FGF13: variants seen among roughly 807,000 people sequenced by gnomAD.
FGF13 encodes the protein fibroblast growth factor 13, also known as fibroblast growth factor homologous factor 2.
FGF13 carries 2 observed loss-of-function variants against 19.5 expected under a neutral mutation model. The observed-to-expected ratio is 0.10, with a 90% CI of 0.04 to 0.32. The LOEUF is 0.32. Ranked by LOEUF, FGF13 falls within the 10% of genes least tolerant of loss-of-function variation. The pLI, the probability that FGF13 is intolerant of heterozygous loss-of-function variation, is 1.00. For missense variants in FGF13, 113 were observed against 192.7 expected (o/e 0.59, Z 2.45); for synonymous variants, 72 against 76.9 (o/e 0.94, Z 0.33).
At chrX:138,831,583 T>G (rs937196023) in intron 3 of FGF13, among the ~76,000 whole-genome samples, 2 of 112,104 alleles carry the variant, frequency 1.8e-5, no homozygotes, top group Admixed American at 1.9e-4. Flanking sequence ...TAACCCTTCC[T>G]GCCTATTTCT....
At chrX:138,839,404 A>G (rs1183891575) in intron 3 of FGF13, among the ~76,000 whole-genome samples, 2 of 111,682 alleles carry the variant, frequency 1.8e-5, no homozygotes, top group Non-Finnish European at 3.8e-5. Context: ...TATTCCACGA[A>G]TCTATCAAGA....
chrX:139,044,664 A>G (rs1383655141), intron 1 of FGF13, among the ~76,000 whole-genome samples: 1 of 111,151 alleles, frequency 9.0e-6, no homozygotes, highest in Admixed American at 9.5e-5. Context: ...ATTAAAAAAA[A>G]GGGGGCTATG....
chrX:138,684,228 T>G (rs1402608613), intron 3 of FGF13, among the ~76,000 whole-genome samples: 2 of 111,864 alleles, frequency 1.8e-5, no homozygotes, highest in Non-Finnish European at 3.8e-5. Context: ...TTAAGGTAAT[T>G]GATAACCTGA....
At chrX:139,032,424 A>G (rs896552090) in intron 1 of FGF13, among the ~76,000 whole-genome samples, 1 of 111,276 alleles carries the variant, frequency 9.0e-6, no homozygotes, top group African/African-American at 3.3e-5. Context: ...ACCAAGTATA[A>G]CTGTTAGGAT....
chrX:138,699,976 G>A (rs186220464), intron 3 of FGF13, among the ~76,000 whole-genome samples: 8 of 110,432 alleles, frequency 7.2e-5, no homozygotes, highest in Admixed American at 2.9e-4. Flanking sequence ...CCCTCATGAC[G>A]CCTGATAATC....
chrX:139,183,591 T>C (rs1250349625), intron 1 of FGF13, among the ~76,000 whole-genome samples: 2 of 111,820 alleles, frequency 1.8e-5, no homozygotes, highest in Non-Finnish European at 3.8e-5. Flanking sequence ...TTACTCCCTC[T>C]CATCATGTGA....
chrX:138,829,915 C>T (rs1320918237), intron 3 of FGF13, among the ~76,000 whole-genome samples: 1 of 111,554 alleles, frequency 9.0e-6, no homozygotes, highest in Non-Finnish European at 1.9e-5. Flanking sequence ...GACAGGGTTT[C>T]ACCATGTTGG....
chrX:139,003,490 T>C (rs1246085030), intron 1 of FGF13, among the ~76,000 whole-genome samples: 1 of 111,914 alleles, frequency 8.9e-6, no homozygotes, highest in East Asian at 2.8e-4. Context: ...TTTTATTCTC[T>C]TATCTGGCCC....
At chrX:139,008,913 C>T (rs1424476122) in intron 1 of FGF13, among the ~76,000 whole-genome samples, 1 of 110,940 alleles carries the variant, frequency 9.0e-6, no homozygotes, top group African/African-American at 3.3e-5. Flanking sequence ...CAAGGAGGCA[C>T]CAGAGAAAGG....
chrX:139,033,027 CAAAAAAAAAAAAAAAA>C (rs758766077), intron 1 of FGF13, among the ~76,000 whole-genome samples: 5 of 27,271 alleles, frequency 1.8e-4, no homozygotes, highest in Admixed American at 5.4e-4. Flanking sequence ...TCTGATTATC[CAAAAAAAAAAAAAAAA>C]AAAAAAAAAA....
chrX:138,957,702 G>A (rs1374497960), intron 1 of FGF13, among the ~76,000 whole-genome samples: 1 of 111,632 alleles, frequency 9.0e-6, no homozygotes, highest in Admixed American at 9.5e-5. Flanking sequence ...TTGAGCAGGG[G>A]TTTGTAGTTC....
At chrX:138,862,113 C>CA (rs2091291592) in intron 2 of FGF13, among the ~76,000 whole-genome samples, 1 of 111,963 alleles carries the variant, frequency 8.9e-6, no homozygotes, top group Admixed American at 9.5e-5. Context: ...CCCCTGTCTC[C>CA]AAAAAACTTT....
At chrX:138,694,967 T>C (rs2089879251) in intron 3 of FGF13, among the ~76,000 whole-genome samples, 1 of 101,983 alleles carries the variant, frequency 9.8e-6, no homozygotes, top group African/African-American at 3.6e-5. Flanking sequence ...TGTCTCCCAG[T>C]GGATTATTTA....
intron 1 of FGF13, among the ~76,000 whole-genome samples, chrX:139,189,129 G>T (rs1374643968): frequency 1.8e-5 from 2 of 108,786 alleles, no homozygotes; most frequent in African/African-American, 6.7e-5. Context: ...GACCCAAGAG[G>T]ACCTAAAAAA....
chrX:139,135,825 C>T (rs903501275), intron 1 of FGF13, among the ~76,000 whole-genome samples: 9 of 111,422 alleles, frequency 8.1e-5, no homozygotes, highest in African/African-American at 2.9e-4. Flanking sequence ...CACAGTGATC[C>T]ACTCAACTGC....
chrX:139,094,865 C>G (rs1281465903), intron 1 of FGF13, among the ~76,000 whole-genome samples: 1 of 111,948 alleles, frequency 8.9e-6, no homozygotes. Flanking sequence ...AGTGACGGGT[C>G]TGGACCACAA....
chrX:138,947,255 G>A (rs905729019), intron 1 of FGF13, among the ~76,000 whole-genome samples: 3 of 110,571 alleles, frequency 2.7e-5, no homozygotes, highest in Non-Finnish European at 3.8e-5. Flanking sequence ...TCATATAATT[G>A]TTTTTTCATT....
At chrX:138,819,952 A>C (rs957186725) in intron 3 of FGF13, among the ~76,000 whole-genome samples, 11 of 111,506 alleles carry the variant, frequency 9.9e-5, no homozygotes, top group Non-Finnish European at 3.8e-5. Context: ...AGCCAATTAG[A>C]CCAAAGATCA....
chrX:138,982,392 A>G (rs1455058861), intron 1 of FGF13, among the ~76,000 whole-genome samples: 1 of 111,415 alleles, frequency 9.0e-6, no homozygotes, highest in Admixed American at 9.5e-5. Flanking sequence ...GTGAAACGTT[A>G]TTTTCCTTTT....
Sources: gnomAD v4.1 joint callset for allele counts (sites outside exome capture counted in the v4.1 genomes callset) on GRCh38, gnomAD v4.1.1 for gene constraint, MANE v1.5 for transcripts, NCBI Gene and HGNC (gene_info 2026-07-23, HGNC 2026-07-21) for gene names.